The following MCHR2 variants were observed in gnomAD, a reference collection of about 807,000 sequenced individuals.
MCHR2 encodes melanin concentrating hormone receptor 2.
MCHR2 carries 15 observed loss-of-function variants against 24.8 expected under a neutral mutation model. The ratio of observed to expected loss-of-function variants is 0.60; its 90% CI spans 0.40 to 0.93. MCHR2 has a LOEUF of 0.93. Among genes scored for constraint, MCHR2 ranks in the 40% least tolerant of loss-of-function variants. The probability of loss-of-function intolerance (pLI) is 0.00; values close to 1 mark genes in which losing one functional copy is unlikely to be tolerated. For missense variants in MCHR2, 386 were observed against 408.7 expected (o/e 0.94, Z 0.48); for synonymous variants, 151 against 147.6 (o/e 1.02, Z -0.17).
At chr6:99,960,085 A>G (rs912752307) in intron 1 of MCHR2, among the ~76,000 whole-genome samples, 11 of 152,088 alleles carry the variant, frequency 7.2e-5, no homozygotes, top group Admixed American at 1.3e-4. Context: ...GAAAATTTTG[A>G]AAGCAGCAAG....
At chr6:99,954,696 G>A (rs1423298597) in intron 2 of MCHR2, among the ~76,000 whole-genome samples, 1 of 152,106 alleles carries the variant, frequency 6.6e-6, no homozygotes, top group Non-Finnish European at 1.5e-5. Flanking sequence ...GTGTGAATAA[G>A]TTTAAGAAAG....
chr6:99,942,846 G>A, intron 4 of MCHR2, 103 bp downstream of exon 4: 2 of 886,338 alleles, frequency 2.3e-6, no homozygotes, highest in Admixed American at 2.5e-5. Flanking sequence ...GGCGAGAAGA[G>A]GATCCATAAG....
intron 1 of MCHR2, among the ~76,000 whole-genome samples, chr6:99,966,784 GTTATT>G (rs1775303173): frequency 6.6e-6 from 1 of 151,740 alleles, no homozygotes; most frequent in Non-Finnish European, 1.5e-5. Flanking sequence ...TAATCAAAGG[GTTATT>G]TTAAAGAATC....
At chr6:99,941,573 G>T (rs757492605) in intron 4 of MCHR2, among the ~76,000 whole-genome samples, 1 of 152,186 alleles carries the variant, frequency 6.6e-6, no homozygotes, top group East Asian at 1.9e-4. Context: ...TGAGAGTCGC[G>T]CCTTCATGAA....
At chr6:99,939,421 T>C (rs2114516074) in intron 4 of MCHR2, among the ~76,000 whole-genome samples, 1 of 152,194 alleles carries the variant, frequency 6.6e-6, no homozygotes, top group East Asian at 1.9e-4. Flanking sequence ...GAGATGATAA[T>C]TTATCTTACA....
chr6:99,990,575 T>G (rs1029877720), intron 1 of MCHR2, among the ~76,000 whole-genome samples: 3 of 152,228 alleles, frequency 2.0e-5, no homozygotes, highest in African/African-American at 7.2e-5. Context: ...GAACTGTATT[T>G]AATGAAATAC....
intron 1 of MCHR2, among the ~76,000 whole-genome samples, chr6:99,971,956 G>T (rs532626443): frequency 1.1e-3 from 175 of 152,208 alleles, no homozygotes; most frequent in African/African-American, 4.0e-3. Context: ...TGCTGGATTC[G>T]GTTTGCCAGT....
chr6:99,956,434 A>G (rs1456166547), intron 1 of MCHR2, among the ~76,000 whole-genome samples: 3 of 152,122 alleles, frequency 2.0e-5, no homozygotes, highest in East Asian at 3.9e-4. Flanking sequence ...ACTGTACTAT[A>G]TGCTTTGAGC....
At chr6:99,978,036 A>G (rs1044348156) in intron 1 of MCHR2, among the ~76,000 whole-genome samples, 1 of 152,194 alleles carries the variant, frequency 6.6e-6, no homozygotes, top group Non-Finnish European at 1.5e-5. Flanking sequence ...AAGAATCAAT[A>G]TAAACAGGGA....
chr6:99,964,846 T>G (rs1775263631), intron 1 of MCHR2, among the ~76,000 whole-genome samples: 1 of 152,048 alleles, frequency 6.6e-6, no homozygotes, highest in African/African-American at 2.4e-5. Flanking sequence ...GTACACACGA[T>G]AACATGGATG....
At chr6:99,924,687 T>C (rs1161919058) in intron 5 of MCHR2, among the ~76,000 whole-genome samples, 1 of 152,130 alleles carries the variant, frequency 6.6e-6, no homozygotes, top group Admixed American at 6.5e-5. Flanking sequence ...TATTTTGTAA[T>C]TTCCATGTGT....
At chr6:99,951,530 G>A (rs1201157990) in intron 2 of MCHR2, among the ~76,000 whole-genome samples, 1 of 152,128 alleles carries the variant, frequency 6.6e-6, no homozygotes, top group African/African-American at 2.4e-5. Context: ...TTAGGCAAGC[G>A]ATTCAACTTC....
At chr6:99,949,062 A>T (rs1774923731) in intron 2 of MCHR2, among the ~76,000 whole-genome samples, 1 of 152,160 alleles carries the variant, frequency 6.6e-6, no homozygotes, top group Admixed American at 6.5e-5. Flanking sequence ...GCAGAAATTT[A>T]AAATTTAGTT....
intron 1 of MCHR2, among the ~76,000 whole-genome samples, chr6:99,988,075 G>A (rs1775801896): frequency 6.6e-6 from 1 of 152,200 alleles, no homozygotes; most frequent in South Asian, 2.1e-4. Context: ...CATTGCAAGA[G>A]TTTTCTGATT....
intron 5 of MCHR2, among the ~76,000 whole-genome samples, chr6:99,927,492 T>G (rs1397852402): frequency 6.6e-6 from 1 of 152,234 alleles, no homozygotes; most frequent in Admixed American, 6.5e-5. Context: ...TCCATTTCTT[T>G]GTATCCTCTT....
At chr6:99,937,897 G>A (rs1774695673) in intron 4 of MCHR2, among the ~76,000 whole-genome samples, 1 of 151,678 alleles carries the variant, frequency 6.6e-6, no homozygotes, top group Non-Finnish European at 1.5e-5. Flanking sequence ...CTATTGATTT[G>A]TTGAGGCTGT....
chr6:99,931,936 C>A lies in MCHR2; in HGVS notation c.707+2462G>T, dbSNP rs146777844. On this transcript the variant is annotated intron_variant, in intron 5 of 5. Coordinates refer to ENST00000281806, the MANE Select transcript of MCHR2 (RefSeq NM_001040179.2). ...AATCACCCGTCTTCTGCGTCGCTCA[C>A]GCTGGGAGCTGTAGACCGGAGCTGT... 1.2e-4 allele frequency among the ~76,000 whole-genome samples: 18 copies of A among 152,292 alleles called. No individual in the cohort carries two copies. The East Asian group carries it at 2.9e-3, about 25-fold the overall frequency.
At position 99,920,246 on chromosome 6, in the gene MCHR2, G is replaced by C. The variant is rs1450010348; in HGVS notation, c.*694C>G. 6.6e-6 allele frequency: 1 copy of C among 152,182 alleles called. No individual in the cohort carries two copies. Among genetic ancestry groups the C allele is most frequent in the East Asian group, 1.9e-4 (1 of 5,188 alleles). 9.4% of individuals were successfully genotyped at this position (152,182 alleles called of 1,614,324 possible). A position where few individuals can be genotyped will look rare whatever the true frequency, so the allele number is the denominator to read the frequency against. On this transcript the variant is annotated 3_prime_UTR_variant, in exon 6 of 6. Coordinates refer to ENST00000281806, the MANE Select transcript of MCHR2 (RefSeq NM_001040179.2). ...TGGGTTCTCCAGTATGATAAGTAAA[G>C]GTTGTCAAGGTCGTGCAGTAGAAAA... is the stretch of plus-strand genomic sequence containing the variant.
chr6:99,979,023 C>A (rs980992776), intron 1 of MCHR2, among the ~76,000 whole-genome samples: 2 of 152,134 alleles, frequency 1.3e-5, no homozygotes, highest in African/African-American at 2.4e-5. Context: ...GCGCCACATC[C>A]AAGTGGTAGG....
Sources: gnomAD v4.1 joint callset for allele counts (sites outside exome capture counted in the v4.1 genomes callset) on GRCh38, gnomAD v4.1.1 for gene constraint, MANE v1.5 for transcripts, NCBI Gene and HGNC (gene_info 2026-07-23, HGNC 2026-07-21) for gene names.